The following VRK1 variants were observed in gnomAD, a reference collection of about 807,000 sequenced individuals.
VRK1 encodes the protein serine/threonine-protein kinase VRK1.
VRK1 carries 33 observed loss-of-function variants against 57.1 expected under a neutral mutation model. That is an observed-to-expected ratio of 0.58 (90% CI 0.44 to 0.77). VRK1 has a LOEUF of 0.77. Among genes scored for constraint, VRK1 ranks in the 30% least tolerant of loss-of-function variants. The probability of loss-of-function intolerance (pLI) is 0.00; values close to 1 mark genes in which losing one functional copy is unlikely to be tolerated. For synonymous variants in VRK1, 137 were observed against 147.8 expected, an observed-to-expected ratio of 0.93 and a Z score of 0.53; for missense variants, 413 against 477.3, an observed-to-expected ratio of 0.87 and a Z score of 1.25.
chr14:96,823,888 C>G (rs969820717), intron 1 of VRK1, among the ~76,000 whole-genome samples: 10 of 152,138 alleles, frequency 6.6e-5, no homozygotes, highest in Non-Finnish European at 1.5e-4. Context: ...GAATAATATT[C>G]CATTGTATAT....
At chr14:96,857,297 A>G (rs1888202221) in intron 10 of VRK1, among the ~76,000 whole-genome samples, 3 of 152,040 alleles carry the variant, frequency 2.0e-5, no homozygotes, top group South Asian at 4.1e-4. Flanking sequence ...AGTAGTGAGG[A>G]GGACTGTAAT....
intron 12 of VRK1, among the ~76,000 whole-genome samples, chr14:96,880,682 C>A (rs1889225789): frequency 1.3e-5 from 2 of 152,184 alleles, no homozygotes; most frequent in Admixed American, 1.3e-4. Context: ...AAAAGACTTT[C>A]CATTTCAGTA....
chr14:96,811,874 G>A (rs1210597867), intron 1 of VRK1, among the ~76,000 whole-genome samples: 2 of 151,718 alleles, frequency 1.3e-5, no homozygotes, highest in African/African-American at 4.8e-5. Flanking sequence ...TGTATGCACA[G>A]GACTGTAACC....
chr14:96,797,896 G>C (rs570857477), intron 1 of VRK1, among the ~76,000 whole-genome samples: 25 of 152,254 alleles, frequency 1.6e-4, no homozygotes, highest in South Asian at 1.0e-3. Context: ...GATGTTTTGC[G>C]GATACGGAAA....
At chr14:96,867,627 C>G (rs1202935529) in intron 11 of VRK1, among the ~76,000 whole-genome samples, 1 of 151,984 alleles carries the variant, frequency 6.6e-6, no homozygotes, top group African/African-American at 2.4e-5. Flanking sequence ...CTTTCCTTTC[C>G]TTCTCTATTC....
chr14:96,834,798 C>A (rs971896956), intron 2 of VRK1, among the ~76,000 whole-genome samples: 1 of 152,042 alleles, frequency 6.6e-6, no homozygotes, highest in Admixed American at 6.6e-5. Context: ...GGCAAAAATC[C>A]CTGTAAACCA....
chr14:96,842,665 AAT>A (rs2139771637), intron 3 of VRK1, among the ~76,000 whole-genome samples: 1 of 152,368 alleles, frequency 6.6e-6, no homozygotes, highest in African/African-American at 2.4e-5. Context: ...TTAATAATGT[AAT>A]AGCATATCAC....
At chr14:96,808,000 TCC>T (rs755501009) in intron 1 of VRK1, among the ~76,000 whole-genome samples, 2 of 61,828 alleles carry the variant, frequency 3.2e-5, no homozygotes, top group African/African-American at 1.1e-4. Context: ...TCTCCCTCTC[TCC>T]CTCTCTCTCT....
intron 3 of VRK1, among the ~76,000 whole-genome samples, chr14:96,838,920 GA>G (rs1887336623): frequency 1.4e-5 from 1 of 70,152 alleles, no homozygotes; most frequent in African/African-American, 3.9e-5. Context: ...GAAATACATA[GA>G]TATAAAATGA....
At chr14:96,844,082 A>G (rs1887576422) in intron 3 of VRK1, among the ~76,000 whole-genome samples, 1 of 152,240 alleles carries the variant, frequency 6.6e-6, no homozygotes, top group African/African-American at 2.4e-5. Flanking sequence ...AGCTATTCCA[A>G]AGGTAAGCTT....
Position 96,855,265 on chromosome 14 carries a change from A to G in VRK1, c.618A>G (p.Pro206=), listed in dbSNP as rs773555796. 4 of 1,614,112 alleles carry G rather than the reference A, an allele frequency of 2.5e-6. No homozygotes were observed. The highest frequency in any genetic ancestry group is 1.7e-5 in the Admixed American group (1 of 60,022). The stretch of plus-strand genomic sequence containing the variant: ...ATGGCCTTGCTTATCGGTACTGCCC[A>G]GAAGGAGTTCATAAAGAATACAAAG... ...VDYGLAYRYC[P]EGVHKEYKED... is the part of the protein sequence containing the mutation. Residue 206 remains proline, a synonymous_variant, in exon 8 of 13, where the codon CCA becomes CCG. Transcript: ENST00000216639.
intron 1 of VRK1, among the ~76,000 whole-genome samples, chr14:96,820,558 C>T (rs1595650235): frequency 6.6e-6 from 1 of 152,168 alleles, no homozygotes; most frequent in Admixed American, 6.5e-5. Flanking sequence ...CTTTACAACC[C>T]ATTTTGAACT....
intron 3 of VRK1, among the ~76,000 whole-genome samples, chr14:96,845,211 C>CTT (rs34710890): frequency 0.61 from 93,314 of 151,986 alleles, 29,456 homozygotes; most frequent in African/African-American, 0.66. Flanking sequence ...GCTTTAAAAA[C>CTT]TTTTTTTAAT....
rs1278223743 is a variant in VRK1 at position 96,823,280 on chromosome 14, C to T, written c.-5-10187C>T. Among the ~76,000 whole-genome samples, 3 of 152,108 alleles carry T rather than the reference C, an allele frequency of 2.0e-5. No individual in the cohort carries two copies. The East Asian group carries it at 5.8e-4, about 29-fold the overall frequency. ...AAAGAGAAGGACCTTTGTTTTGTTC[C>T]TTGAGGTATAGCAAGTGCCTAGAAC... On this transcript the variant is annotated intron_variant, in intron 1 of 12. Transcript: ENST00000216639.
In VRK1 at chr14:96,819,716, C is replaced by T. The variant is rs1666476844; in HGVS notation, c.-5-13751C>T. The stretch of plus-strand genomic sequence containing the variant: ...AACTCTTGGAAAGCATTTTCTGCAT[C>T]CTGCTGGTTGTGCAAGCGTTTTCCC... On this transcript the variant is annotated intron_variant, in intron 1 of 12. Transcript: ENST00000216639. Among the ~76,000 whole-genome samples the T allele has an allele frequency of 2.0e-5, 3 of 152,148 alleles. No homozygotes were observed. In the South Asian group the frequency reaches 6.2e-4, roughly 32 times the overall value.
chr14:96,857,779 A>T (rs927091871), intron 10 of VRK1, among the ~76,000 whole-genome samples: 15 of 152,168 alleles, frequency 9.9e-5, no homozygotes, highest in African/African-American at 3.6e-4. Context: ...TTAAAATTGC[A>T]ACCTACTCCC....
At position 96,881,510 on chromosome 14, in the gene VRK1, T is replaced by C. The variant is rs1294884447; in HGVS notation, c.*302T>C. On this transcript the variant is annotated 3_prime_UTR_variant, in exon 13 of 13. Coordinates refer to ENST00000216639, the MANE Select transcript of VRK1 (RefSeq NM_003384.3). Reference sequence around the variant, plus strand: ...TTATGACACGCACTTTTCTAATCATTGTACATTTCTCAGAGTGGATAAAAA... The same window carrying C: ...TTATGACACGCACTTTTCTAATCATCGTACATTTCTCAGAGTGGATAAAAA... The C allele has an allele frequency of 7.6e-6, 2 of 263,674 alleles. No homozygotes were observed. The highest frequency in any genetic ancestry group is 1.4e-5 in the Non-Finnish European group (2 of 139,346). The allele number at this position is 263,674 out of a possible 1,614,324, so 16.3% of individuals were successfully genotyped here.
intron 2 of VRK1, among the ~76,000 whole-genome samples, chr14:96,835,319 T>C (rs1286909784): frequency 6.6e-6 from 1 of 152,240 alleles, no homozygotes; most frequent in Non-Finnish European, 1.5e-5. Context: ...CTCATAACAA[T>C]TGCTTCCATT....
At chr14:96,825,740 A>G (rs932431291) in intron 1 of VRK1, among the ~76,000 whole-genome samples, 1 of 152,222 alleles carries the variant, frequency 6.6e-6, no homozygotes. Flanking sequence ...TGTTGGTTCC[A>G]TGTTAATAGA....
Sources: allele counts gnomAD v4.1 joint callset (sites outside exome capture counted in the v4.1 genomes callset), GRCh38; gene constraint gnomAD v4.1.1; transcripts MANE v1.5; gene names NCBI Gene and HGNC (gene_info 2026-07-23, HGNC 2026-07-21).